The following HORMAD2 variants were observed in gnomAD, a reference collection of about 807,000 sequenced individuals.
HORMAD2 encodes the protein HORMA domain-containing protein 2.
HORMAD2 carries 45 observed loss-of-function variants against 38.8 expected under a neutral mutation model. The observed-to-expected ratio is 1.16, with a 90% CI of 0.91 to 1.49. The LOEUF (loss-of-function observed/expected upper bound fraction) is 1.49. HORMAD2 is among the 40% of genes most tolerant of loss of function. HORMAD2 has a pLI of 0.00. For synonymous variants in HORMAD2, 126 were observed against 122.8 expected (o/e 1.03, Z -0.17); for missense variants, 338 against 367.0 (o/e 0.92, Z 0.65).
chr22:30,165,496 A>T (rs1169553327), intron 10 of HORMAD2, among the ~76,000 whole-genome samples: 1 of 152,222 alleles, frequency 6.6e-6, no homozygotes, highest in Non-Finnish European at 1.5e-5. Context: ...TGCTTTGGGT[A>T]GTATTGACAT....
At chr22:30,200,730 T>TTTATTA in the HORMAD2 span, among the ~76,000 whole-genome samples, 18 of 76,534 alleles carry the variant, frequency 2.4e-4, no homozygotes, top group Non-Finnish European at 3.4e-4. Flanking sequence ...ACAACAGAAA[T>TTTATTA]GTATTATTAT....
intron 1 of HORMAD2, among the ~76,000 whole-genome samples, chr22:30,088,124 C>T (rs1043461143): frequency 1.7e-4 from 24 of 144,652 alleles, no homozygotes; most frequent in African/African-American, 5.6e-4. Context: ...TATACACACA[C>T]GTACACATGT....
At chr22:30,154,750 GAT>G (rs1400534283) in intron 10 of HORMAD2, among the ~76,000 whole-genome samples, 2 of 152,124 alleles carry the variant, frequency 1.3e-5, no homozygotes, top group Non-Finnish European at 2.9e-5. Context: ...CTCAAGATTA[GAT>G]TCAGGGTATG....
chr22:30,105,649 A>G (rs981460349), intron 5 of HORMAD2, among the ~76,000 whole-genome samples: 1 of 152,258 alleles, frequency 6.6e-6, no homozygotes, highest in Non-Finnish European at 1.5e-5. Flanking sequence ...GGATACAAAG[A>G]TAAAACAGAA....
chr22:30,171,571 C>T (rs1179744187), intron 10 of HORMAD2, among the ~76,000 whole-genome samples: 2 of 152,126 alleles, frequency 1.3e-5, no homozygotes, highest in African/African-American at 2.4e-5. Flanking sequence ...AGACTCATCA[C>T]TTGTATCTGC....
chr22:30,157,293 C>T (rs753596094), intron 10 of HORMAD2, among the ~76,000 whole-genome samples: 1 of 152,162 alleles, frequency 6.6e-6, no homozygotes, highest in Non-Finnish European at 1.5e-5. Flanking sequence ...GCCAAAGAAA[C>T]CAGGTCTCAC....
intron 10 of HORMAD2, among the ~76,000 whole-genome samples, chr22:30,160,227 T>G (rs542460328): frequency 1.3e-5 from 2 of 151,880 alleles, no homozygotes; most frequent in African/African-American, 4.8e-5. Context: ...GCCTTGAATC[T>G]TCTGCTTGTC....
the HORMAD2 span, among the ~76,000 whole-genome samples, chr22:30,199,397 G>T: frequency 6.6e-6 from 1 of 152,252 alleles, no homozygotes; most frequent in East Asian, 1.9e-4. Context: ...TCTCTGGGTA[G>T]AAATGACGTT....
At chr22:30,193,150 T>C in the HORMAD2 span, among the ~76,000 whole-genome samples, 2 of 152,194 alleles carry the variant, frequency 1.3e-5, no homozygotes, top group African/African-American at 2.4e-5. Flanking sequence ...AAAAAGCAGA[T>C]GGAGAAATAT....
At chr22:30,111,715 A>G (rs1921670674) in intron 5 of HORMAD2, 81 bp from the exon 6 acceptor site, 1 of 1,154,548 alleles carries the variant, frequency 8.7e-7, no homozygotes, top group Non-Finnish European at 1.2e-6. Context: ...CTGAAATAAT[A>G]TTTTAATTAG....
At chr22:30,134,051 T>C (rs1158580495) in intron 10 of HORMAD2, among the ~76,000 whole-genome samples, 3 of 152,124 alleles carry the variant, frequency 2.0e-5, no homozygotes, top group East Asian at 3.9e-4. Flanking sequence ...AAAGGTATCA[T>C]TTTGACATTT....
chr22:30,183,897 T>G, the HORMAD2 span, among the ~76,000 whole-genome samples: 1 of 152,148 alleles, frequency 6.6e-6, no homozygotes, highest in Non-Finnish European at 1.5e-5. Context: ...AGTGGGCAGA[T>G]TTTCACTTCA....
intron 5 of HORMAD2, among the ~76,000 whole-genome samples, chr22:30,110,347 A>AT (rs1203692503): frequency 6.6e-6 from 1 of 151,772 alleles, no homozygotes; most frequent in East Asian, 1.9e-4. Context: ...TCCCCTTTAT[A>AT]ATGCAAAAAA....
At chr22:30,203,842 C>T in the HORMAD2 span, among the ~76,000 whole-genome samples, 1 of 152,172 alleles carries the variant, frequency 6.6e-6, no homozygotes, top group Non-Finnish European at 1.5e-5. Flanking sequence ...TGTATACACA[C>T]GAACCTGCAC....
chr22:30,114,075 G>T (rs1302546768), intron 7 of HORMAD2, among the ~76,000 whole-genome samples: 1 of 152,082 alleles, frequency 6.6e-6, no homozygotes, highest in Admixed American at 6.6e-5. Flanking sequence ...TTTTTTGGGG[G>T]TAGTGAAATG....
intron 10 of HORMAD2, among the ~76,000 whole-genome samples, chr22:30,149,096 G>A (rs1924595048): frequency 6.6e-6 from 1 of 152,146 alleles, no homozygotes; most frequent in Non-Finnish European, 1.5e-5. Flanking sequence ...TATAATTTGG[G>A]TTAAGTCAGT....
chr22:30,091,273 T>C (rs1555938699), intron 1 of HORMAD2, among the ~76,000 whole-genome samples: 12,677 of 146,964 alleles, frequency 0.086, 916 homozygotes, highest in South Asian at 0.22. Flanking sequence ...TTTCTTTTTT[T>C]TTTTTTTTTT....
chr22:30,175,530 C>G (rs1358567487), intron 10 of HORMAD2, among the ~76,000 whole-genome samples: 1 of 151,438 alleles, frequency 6.6e-6, no homozygotes, highest in Non-Finnish European at 1.5e-5. Context: ...TTCACCAAAG[C>G]CAAACTCAAT....
chr22:30,092,273 T>C (rs971318146), intron 1 of HORMAD2, among the ~76,000 whole-genome samples: 9 of 152,138 alleles, frequency 5.9e-5, no homozygotes, highest in African/African-American at 2.2e-4. Context: ...ATTAATCATG[T>C]TGAGCATTTT....
Sources: gnomAD v4.1 joint callset for allele counts (sites outside exome capture counted in the v4.1 genomes callset) on GRCh38, gnomAD v4.1.1 for gene constraint, MANE v1.5 for transcripts, NCBI Gene and HGNC (gene_info 2026-07-23, HGNC 2026-07-21) for gene names.